The following DPP10 variants were observed in gnomAD, a reference collection of about 807,000 sequenced individuals.
DPP10 encodes dipeptidyl peptidase like 10.
A neutral mutation model predicts 120.9 loss-of-function variants in DPP10; 33 were observed. That is an observed-to-expected ratio of 0.27 (90% CI 0.21 to 0.37). The LOEUF (loss-of-function observed/expected upper bound fraction) is 0.37. Among genes scored for constraint, DPP10 ranks in the 10% least tolerant of loss-of-function variants. The probability of loss-of-function intolerance (pLI) is 1.00; values close to 1 mark genes in which losing one functional copy is unlikely to be tolerated. For missense variants in DPP10, 816 were observed against 942.8 expected (o/e 0.87, Z 1.76); for synonymous variants, 337 against 326.1 (o/e 1.03, Z -0.36).
At chr2:114,820,999 T>C (rs929118402) in intron 1 of DPP10, among the ~76,000 whole-genome samples, 1 of 152,120 alleles carries the variant, frequency 6.6e-6, no homozygotes, top group African/African-American at 2.4e-5. Flanking sequence ...GAGTTTAATA[T>C]GCAAGAAGGA....
intron 2 of DPP10, among the ~76,000 whole-genome samples, chr2:115,334,379 T>C (rs564238881): frequency 5.8e-4 from 88 of 151,554 alleles, no homozygotes; most frequent in South Asian, 6.3e-4. Context: ...ACAGATGTAG[T>C]GTATTTGACT....
intron 1 of DPP10, among the ~76,000 whole-genome samples, chr2:114,617,161 G>A (rs75091397): frequency 0.013 from 1,995 of 152,170 alleles, 52 homozygotes; most frequent in African/African-American, 0.046. Context: ...AATGCAATGT[G>A]TGATTCTAGA....
At chr2:114,760,828 G>A (rs890159955) in intron 1 of DPP10, among the ~76,000 whole-genome samples, 1 of 151,950 alleles carries the variant, frequency 6.6e-6, no homozygotes, top group African/African-American at 2.4e-5. Flanking sequence ...ATTGAATATT[G>A]TTTCTTACTC....
At chr2:115,684,449 T>G (rs2090857850) in intron 5 of DPP10, among the ~76,000 whole-genome samples, 1 of 151,948 alleles carries the variant, frequency 6.6e-6, no homozygotes, top group Non-Finnish European at 1.5e-5. Flanking sequence ...CAATCCCATT[T>G]TGCCTGTATT....
At chr2:115,684,173 C>T (rs1188357646) in intron 5 of DPP10, among the ~76,000 whole-genome samples, 6 of 151,660 alleles carry the variant, frequency 4.0e-5, no homozygotes, top group African/African-American at 1.5e-4. Context: ...CCTTTTCAAT[C>T]AATACTTGTT....
intron 17 of DPP10, among the ~76,000 whole-genome samples, chr2:115,784,575 C>A (rs1446763225): frequency 6.6e-6 from 1 of 151,954 alleles, no homozygotes; most frequent in East Asian, 1.9e-4. Flanking sequence ...CTCTTGTTGC[C>A]CAGGCTGGAA....
chr2:115,217,939 C>T (rs1249822888), intron 1 of DPP10, among the ~76,000 whole-genome samples: 1 of 152,146 alleles, frequency 6.6e-6, no homozygotes, highest in Non-Finnish European at 1.5e-5. Flanking sequence ...ACGTCATGCT[C>T]TGCTTCACCT....
rs1477108048 is a variant in DPP10 at position 115,378,293 on chromosome 2, G to GTCCTATCC, written c.271+34382_271+34383insCCTATCCT. ...CATCCCTTGTAAGTTGGATTCCTAG[G>GTCCTATCC]TATTTTATTCTCTTTGAAGCAATTG... On this transcript the variant is annotated intron_variant, in intron 3 of 25. Transcript: ENST00000410059. 3.8e-3 allele frequency among the ~76,000 whole-genome samples: 565 copies of GTCCTATCC among 149,842 alleles called. 7 individuals carry two copies. The highest frequency in any genetic ancestry group is 0.012 in the African/African-American group (504 of 40,878).
At chr2:115,061,547 A>C (rs1056812566) in intron 1 of DPP10, among the ~76,000 whole-genome samples, 2 of 152,232 alleles carry the variant, frequency 1.3e-5, no homozygotes, top group South Asian at 2.1e-4. Flanking sequence ...TTAAGTTCAA[A>C]ATAAAGAAAT....
chr2:115,189,107 C>T (rs1273009561), intron 1 of DPP10, among the ~76,000 whole-genome samples: 2 of 152,110 alleles, frequency 1.3e-5, no homozygotes, highest in Non-Finnish European at 2.9e-5. Context: ...ATTTTCTCAG[C>T]AAGGCAGTTT....
In DPP10 at chr2:115,835,943, T is replaced by G. The variant is rs370690244; in HGVS notation, c.1951-214T>G. ...TATTAAAACAGCTGTTATATAACAA[T>G]TTAAACAAATGTTCAAAAATCTTAA... On this transcript the variant is annotated intron_variant, in intron 21 of 25. Transcript: ENST00000410059. 5.9e-5 allele frequency among the ~76,000 whole-genome samples: 9 copies of G among 152,174 alleles called. No individual in the cohort carries two copies. In the East Asian group the frequency reaches 1.4e-3, roughly 23 times the overall value.
At chr2:114,971,347 A>G (rs1200770474) in intron 1 of DPP10, among the ~76,000 whole-genome samples, 3 of 152,154 alleles carry the variant, frequency 2.0e-5, no homozygotes, top group Non-Finnish European at 2.9e-5. Flanking sequence ...GGTAAACTGG[A>G]TTATAATTAC....
chr2:115,734,280 C>T (rs191478782), intron 8 of DPP10, among the ~76,000 whole-genome samples: 291 of 152,230 alleles, frequency 1.9e-3, no homozygotes, highest in African/African-American at 6.5e-3. Flanking sequence ...TCAGCACCTA[C>T]GACAGAACCT....
intron 5 of DPP10, among the ~76,000 whole-genome samples, chr2:115,608,872 G>C (rs1471079893): frequency 6.6e-6 from 1 of 151,966 alleles, no homozygotes; most frequent in Non-Finnish European, 1.5e-5. Flanking sequence ...AATTATGTTA[G>C]ACAAAGTTGA....
chr2:114,717,368 C>A (rs779681876), intron 1 of DPP10, among the ~76,000 whole-genome samples: 7 of 152,142 alleles, frequency 4.6e-5, no homozygotes, highest in Non-Finnish European at 8.8e-5. Flanking sequence ...AAGCATTTTG[C>A]TGCTATACCA....
At chr2:115,369,078 C>T (rs952884367) in intron 3 of DPP10, among the ~76,000 whole-genome samples, 2 of 151,868 alleles carry the variant, frequency 1.3e-5, no homozygotes, top group South Asian at 4.1e-4. Flanking sequence ...GAAATGATTT[C>T]CTGAGAATTG....
chr2:114,971,889 A>G (rs1434542754), intron 1 of DPP10, among the ~76,000 whole-genome samples: 1 of 152,190 alleles, frequency 6.6e-6, no homozygotes, highest in African/African-American at 2.4e-5. Flanking sequence ...CATGATGCAC[A>G]CCTTGCACTG....
chr2:115,668,841 T>G (rs2089657850), intron 5 of DPP10, among the ~76,000 whole-genome samples: 1 of 152,302 alleles, frequency 6.6e-6, no homozygotes, highest in African/African-American at 2.4e-5. Context: ...ATGACATTTT[T>G]CATTTTTCTG....
intron 5 of DPP10, among the ~76,000 whole-genome samples, chr2:115,537,299 A>G (rs2078908031): frequency 6.6e-6 from 1 of 152,006 alleles, no homozygotes. Flanking sequence ...ATCTAAGACA[A>G]TAAAGCAACC....
Sources: allele counts gnomAD v4.1 joint callset (sites outside exome capture counted in the v4.1 genomes callset), GRCh38; gene constraint gnomAD v4.1.1; transcripts MANE v1.5; gene names NCBI Gene and HGNC (gene_info 2026-07-23, HGNC 2026-07-21).